VWF: variants seen among roughly 807,000 people sequenced by gnomAD.
The protein encoded by VWF is von Willebrand factor, also known as Factor VIII related antigen.
VWF carries 176 observed loss-of-function variants against 308.6 expected under a neutral mutation model. The ratio of observed to expected loss-of-function variants is 0.57; its 90% CI spans 0.50 to 0.65. The LOEUF is 0.65. VWF is among the 30% of genes least tolerant of loss of function. The probability of loss-of-function intolerance (pLI) is 0.00; values close to 1 mark genes in which losing one functional copy is unlikely to be tolerated. For missense variants in VWF, 3,146 were observed against 3,648.2 expected (o/e 0.86, Z 3.55); for synonymous variants, 1,385 against 1,443.4 (o/e 0.96, Z 0.92).
intron 43 of VWF, 86 bp downstream of exon 43, chr12:5,976,025 A>AT: frequency 6.3e-7 from 1 of 1,586,318 alleles, no homozygotes; most frequent in Non-Finnish European, 8.6e-7. Context: ...CAAAAAAAAA[A>AT]GAACCTTTCT....
chr12:6,123,517 A>G (rs1451071029), intron 1 of VWF, among the ~76,000 whole-genome samples: 1 of 152,162 alleles, frequency 6.6e-6, no homozygotes, highest in African/African-American at 2.4e-5. Context: ...CTGCCTCCTG[A>G]AGCAGCTGGG....
intron 15 of VWF, among the ~76,000 whole-genome samples, 168 bp downstream of exon 15, chr12:6,056,689 G>A (rs1944582408): frequency 1.3e-5 from 2 of 152,212 alleles, no homozygotes; most frequent in African/African-American, 2.4e-5. Context: ...CCTGCTGGGA[G>A]GTGGAAGGGA....
chr12:6,066,565 C>T (rs961923394), intron 10 of VWF, among the ~76,000 whole-genome samples: 1 of 152,262 alleles, frequency 6.6e-6, no homozygotes, highest in Admixed American at 6.5e-5. Context: ...CTCCAAACAG[C>T]GGAAGCTTGG....
intron 16 of VWF, among the ~76,000 whole-genome samples, chr12:6,048,751 C>G (rs1944475252): frequency 6.6e-6 from 1 of 152,192 alleles, no homozygotes; most frequent in Non-Finnish European, 1.5e-5. Context: ...GCGTGAGCCA[C>G]CTTGCCCAGC....
intron 10 of VWF, among the ~76,000 whole-genome samples, chr12:6,068,903 C>G (rs1944752592): frequency 7.1e-6 from 1 of 140,482 alleles, no homozygotes; most frequent in Admixed American, 7.6e-5. Flanking sequence ...ACCCAGCAGG[C>G]TGGAGTGCAG....
chr12:6,085,825 T>C (rs55633676), intron 6 of VWF, among the ~76,000 whole-genome samples: 31,607 of 152,038 alleles, frequency 0.21, 3,742 homozygotes, highest in East Asian at 0.46. Context: ...TGCAGCAAAC[T>C]ACCATGGCAC....
intron 6 of VWF, among the ~76,000 whole-genome samples, chr12:6,093,248 C>T (rs937614877): frequency 1.3e-5 from 2 of 152,196 alleles, no homozygotes; most frequent in East Asian, 3.9e-4. Context: ...ATTCAGAGCC[C>T]GAGGACTCAT....
Position 6,121,355 on chromosome 12 carries a change from C to T in VWF, c.56-17G>A, listed in dbSNP as rs747514701. 4.1e-5 allele frequency: 66 copies of T among 1,613,186 alleles called. No individual in the cohort carries two copies. The highest frequency in any genetic ancestry group is 5.5e-5 in the Non-Finnish European group (65 of 1,179,708). ...AAAGGGTCCCTGGAGGGAGAGGCCA[C>T]AGGTTGGGCTGGTGATCTCAGGGCA... On this transcript the variant is annotated splice_polypyrimidine_tract_variant and intron_variant, in intron 2 of 51. Coordinates refer to ENST00000261405, the MANE Select transcript of VWF (RefSeq NM_000552.5).
chr12:6,110,020 G>A (rs1945288732), intron 5 of VWF, among the ~76,000 whole-genome samples: 1 of 152,070 alleles, frequency 6.6e-6, no homozygotes, highest in South Asian at 2.1e-4. Flanking sequence ...ACATAAACTG[G>A]CCTTTTTGGA....
intron 10 of VWF, among the ~76,000 whole-genome samples, chr12:6,068,835 C>CGT (rs34977515): frequency 0.12 from 11,211 of 91,140 alleles, 716 homozygotes; most frequent in African/African-American, 0.18. Context: ...TTTTTTTTTG[C>CGT]GTGTGTGTGT....
chr12:6,094,277 T>C (rs1220681108), intron 6 of VWF, among the ~76,000 whole-genome samples: 1 of 152,208 alleles, frequency 6.6e-6, no homozygotes, highest in African/African-American at 2.4e-5. Context: ...GAAGCCATCC[T>C]GACATCCAAG....
intron 47 of VWF, among the ~76,000 whole-genome samples, chr12:5,955,929 T>C (rs1943244635): frequency 2.0e-5 from 3 of 152,028 alleles, no homozygotes; most frequent in African/African-American, 4.8e-5. Context: ...AACTGAAGCA[T>C]AGAGAGGAAT....
chr12:6,022,278 G>A (rs1944137778), intron 26 of VWF, among the ~76,000 whole-genome samples: 1 of 151,928 alleles, frequency 6.6e-6, no homozygotes, highest in South Asian at 2.1e-4. Context: ...CAAGCCTCAG[G>A]ACAAATGAAA....
In VWF at chr12:5,982,980, C is replaced by T. The variant is rs531871519; in HGVS notation, c.7081+170G>A. ...CAGCAGCGTGCAGCCGGAAGGATTCCGTGCAGGTGTGACCCTAACCCCTCT... is the reference window on the plus strand; with the variant it reads ...CAGCAGCGTGCAGCCGGAAGGATTCTGTGCAGGTGTGACCCTAACCCCTCT... On this transcript the variant is annotated intron_variant, in intron 41 of 51. Transcript: ENST00000261405. Among the ~76,000 whole-genome samples the T allele has an allele frequency of 3.3e-5, 5 of 152,314 alleles. No individual in the cohort carries two copies. The East Asian group carries it at 5.8e-4, about 18-fold the overall frequency.
intron 15 of VWF, among the ~76,000 whole-genome samples, chr12:6,055,954 A>G (rs1447093548): frequency 1.3e-5 from 2 of 151,702 alleles, no homozygotes; most frequent in African/African-American, 4.8e-5. Flanking sequence ...ACTTTACCCT[A>G]AAAAACAGAA....
rs1450677715 is a variant in VWF at position 6,072,367 on chromosome 12, G to A, written c.1073C>T (p.Pro358Leu). Reference sequence around the variant, plus strand: ...GTCTCGAGAGAGGGAGGTGCCGGGAGGGTAGCGCTTTCCGGAATGCACGCA... The same window carrying A: ...GTCTCGAGAGAGGGAGGTGCCGGGAAGGTAGCGCTTTCCGGAATGCACGCA... The part of the protein sequence containing the change: ...CPCVHSGKRY[P>L]PGTSLSRDCN... The change falls in exon 9 of 52, where the codon CCT becomes CTT. Residue 358 changes from proline to leucine, a missense_variant. Physicochemically the swap from Pro to Leu is moderately conservative, Grantham distance 98. Around this residue, in one of 3 missense-constraint regions of VWF, gnomAD observed 1,304 missense variants for 1,353.0 expected, o/e 0.96. Transcript: ENST00000261405. 3.7e-6 allele frequency: 6 copies of A among 1,613,978 alleles called. No homozygotes were observed. In the Admixed American group the frequency reaches 8.3e-5, roughly 22 times the overall value.
chr12:6,081,506 A>T (rs1944909924), intron 6 of VWF, among the ~76,000 whole-genome samples: 2 of 152,156 alleles, frequency 1.3e-5, no homozygotes, highest in African/African-American at 4.8e-5. Flanking sequence ...TGCCCAGCTA[A>T]TTTTTGTATT....
intron 24 of VWF, among the ~76,000 whole-genome samples, chr12:6,025,060 C>A (rs972936078): frequency 4.6e-5 from 7 of 150,806 alleles, no homozygotes; most frequent in Non-Finnish European, 1.0e-4. Flanking sequence ...CTGCACTTAA[C>A]CTTGCGGAAT....
chr12:5,955,414 G>A (rs978741641), intron 47 of VWF, among the ~76,000 whole-genome samples: 1 of 149,124 alleles, frequency 6.7e-6, no homozygotes, highest in Non-Finnish European at 1.5e-5. Context: ...TCCCCTTCCT[G>A]TGTCCATGTG....
Sources: allele counts gnomAD v4.1 joint callset (sites outside exome capture counted in the v4.1 genomes callset), GRCh38; gene constraint gnomAD v4.1.1; regional missense constraint gnomAD v4.1.1; transcripts MANE v1.5; gene names NCBI Gene and HGNC (gene_info 2026-07-23, HGNC 2026-07-21).